Variants in MZT2B observed in about 807,000 individuals in gnomAD.
MZT2B encodes mitotic-spindle organizing protein 2B.
MZT2B carries 11 observed loss-of-function variants against 12.1 expected under a neutral mutation model. That is an observed-to-expected ratio of 0.91 (90% confidence interval 0.57 to 1.50). The LOEUF is 1.50. MZT2B is among the 40% of genes most tolerant of loss of function. MZT2B has a pLI of 0.00. For synonymous variants in MZT2B, 85 were observed against 109.5 expected (o/e 0.78, Z 1.40); for missense variants, 209 against 227.7 (o/e 0.92, Z 0.53).
intron 2 of MZT2B, among the ~76,000 whole-genome samples, chr2:130,185,173 TG>T (rs1690009852): frequency 6.6e-6 from 1 of 151,740 alleles, no homozygotes; most frequent in South Asian, 2.1e-4. Flanking sequence ...TAGCTGGGCG[TG>T]GTGGCAGGTG....
In MZT2B at chr2:130,184,845, CAG is replaced by C. The variant is rs530937489; in HGVS notation, c.319+2073_319+2074del. 1.3e-4 allele frequency: 132 copies of C among 985,362 alleles called. 1 individual carries two copies. In the South Asian group the frequency reaches 5.2e-3, roughly 39 times the overall value. 61.0% of individuals were successfully genotyped at this position (985,362 alleles called of 1,614,324 possible). A position where few individuals can be genotyped will look rare whatever the true frequency, so the allele number is the denominator to read the frequency against. On this transcript the variant is annotated intron_variant, in intron 2 of 2. Transcript: ENST00000281871. ...GGCAGGGAAGTGAGATGATCACACT[CAG>C]AGCCCAGTGAGAGGCAGTGAGGAAA...
At chr2:130,199,878 T>C in the MZT2B span, among the ~76,000 whole-genome samples, 2 of 150,952 alleles carry the variant, frequency 1.3e-5, no homozygotes, top group East Asian at 3.9e-4. Flanking sequence ...GGAGGATCAC[T>C]TGAGGTCAGG....
At chr2:130,196,029 T>C in the MZT2B span, 4 of 1,366,308 alleles carry the variant, frequency 2.9e-6, no homozygotes, top group African/African-American at 2.9e-5. Context: ...AACAATGCCA[T>C]GGGCATATGC....
chr2:130,195,395 A>G (rs1398306368), downstream of MZT2B, among the ~76,000 whole-genome samples: 1 of 152,230 alleles, frequency 6.6e-6, no homozygotes, highest in Non-Finnish European at 1.5e-5. Flanking sequence ...CTGTGTGATA[A>G]CCAAACTGCA....
Position 130,182,702 on chromosome 2 carries a change from G to A in MZT2B, c.246G>A (p.Gly82=). ...AGATGCTCAAGTCCATGTGTGCCGG[G>A]CAGAGGCTAGCGAGCGAGCCCCAGG... The part of the protein sequence containing the change: ...VFQMLKSMCA[G]QRLASEPQDP... The change falls in exon 2 of 3, where the codon GGG becomes GGA. Residue 82 remains glycine, a synonymous_variant. Coordinates refer to ENST00000281871, the MANE Select transcript of MZT2B (RefSeq NM_025029.5). 6.5e-7 allele frequency: 1 copy of A among 1,544,958 alleles called. No homozygotes were observed. Among genetic ancestry groups the A allele is most frequent in the Non-Finnish European group, 8.7e-7 (1 of 1,143,626 alleles).
At chr2:130,192,165 A>T, downstream of MZT2B, 2 of 1,565,088 alleles carry the variant, frequency 1.3e-6, no homozygotes, top group South Asian at 1.2e-5. Flanking sequence ...CGTGAAGCTT[A>T]TATCAAACCT....
chr2:130,191,127 T>G (rs1437179007), downstream of MZT2B, among the ~76,000 whole-genome samples: 5 of 151,922 alleles, frequency 3.3e-5, no homozygotes, highest in Admixed American at 6.6e-5. Flanking sequence ...TTTTGTTGTA[T>G]TTTTAGTAGA....
Position 130,184,723 on chromosome 2 carries a change from G to A in MZT2B, c.319+1948G>A, listed in dbSNP as rs553698674. On this transcript the variant is annotated intron_variant, in intron 2 of 2. Coordinates refer to ENST00000281871, the MANE Select transcript of MZT2B (RefSeq NM_025029.5). ...AAGTGTCCAGCAGGAGGGAGAAACT[G>A]GGAACAGAGTCCTTGTCACTCCAGG... 42 of 985,420 alleles carry A rather than the reference G, an allele frequency of 4.3e-5. No homozygotes were observed. The African/African-American group carries it at 5.6e-4, about 13-fold the overall frequency. 61.0% of individuals were successfully genotyped at this position (985,420 alleles called of 1,614,324 possible). A position where few individuals can be genotyped will look rare whatever the true frequency, so the allele number is the denominator to read the frequency against.
At chr2:130,187,586 C>T (rs1372542023) in intron 2 of MZT2B, among the ~76,000 whole-genome samples, 1 of 152,170 alleles carries the variant, frequency 6.6e-6, no homozygotes, top group Non-Finnish European at 1.5e-5. Context: ...TCACCCCGCC[C>T]TCACACCCCA....
intron 2 of MZT2B, chr2:130,184,968 C>T (rs1573761231): frequency 1.2e-6 from 1 of 809,790 alleles, no homozygotes; most frequent in South Asian, 5.6e-5. Context: ...AGTTCAAGAC[C>T]AGCCTGGGCA....
At chr2:130,195,219 G>T (rs143099002), downstream of MZT2B, 5 of 1,613,834 alleles carry the variant, frequency 3.1e-6, no homozygotes, top group East Asian at 2.2e-5. Context: ...GTCCCTGTGC[G>T]CACTTCATCT....
At chr2:130,199,232 G>T in the MZT2B span, among the ~76,000 whole-genome samples, 14 of 120,780 alleles carry the variant, frequency 1.2e-4, 2 homozygotes, top group Non-Finnish European at 2.2e-4. Flanking sequence ...AAGGAAGAAA[G>T]GAGGCAAAAT....
In MZT2B at chr2:130,190,468, G is replaced by A; in HGVS notation, c.320-1G>A. On this transcript the variant is annotated splice_acceptor_variant, in intron 2 of 2. Transcript: ENST00000281871. LOFTEE classifies it high-confidence loss of function. Reference sequence around the variant, plus strand: ...AATCATTGTGCTTTGTGTCTCCTCAGGGAGAAACAAAGGCAGCGCTGCCCT... The same window carrying A: ...AATCATTGTGCTTTGTGTCTCCTCAAGGAGAAACAAAGGCAGCGCTGCCCT... 5 of 1,613,408 alleles carry A rather than the reference G, an allele frequency of 3.1e-6. No individual in the cohort carries two copies. Among genetic ancestry groups the A allele is most frequent in the Non-Finnish European group, 4.2e-6 (5 of 1,179,664 alleles).
intron 2 of MZT2B, chr2:130,184,250 G>C: frequency 1.5e-6 from 2 of 1,373,048 alleles, no homozygotes; most frequent in Non-Finnish European, 1.9e-6. Flanking sequence ...CTCTCCAAGG[G>C]AAGACAGCCG....
At chr2:130,201,610 A>G in the MZT2B span, among the ~76,000 whole-genome samples, 17 of 152,308 alleles carry the variant, frequency 1.1e-4, no homozygotes, top group Non-Finnish European at 2.4e-4. Flanking sequence ...CATTCAGTCC[A>G]TAGCCCCCCT....
chr2:130,186,552 A>T (rs1425991783), intron 2 of MZT2B, among the ~76,000 whole-genome samples: 1 of 152,214 alleles, frequency 6.6e-6, no homozygotes, highest in Admixed American at 6.5e-5. Flanking sequence ...GTGCTGCCTG[A>T]TACAGGAACC....
chr2:130,197,235 A>G, the MZT2B span, among the ~76,000 whole-genome samples: 3 of 152,086 alleles, frequency 2.0e-5, no homozygotes, highest in African/African-American at 7.2e-5. Flanking sequence ...CATTCCTGTA[A>G]TCCCAGCACT....
intron 2 of MZT2B, among the ~76,000 whole-genome samples, chr2:130,189,723 A>C (rs890618674): frequency 6.6e-6 from 1 of 152,228 alleles, no homozygotes; most frequent in African/African-American, 2.4e-5. Context: ...GTCTGGCCCA[A>C]GTGTGGTTGC....
At chr2:130,189,802 G>A (rs1440692040) in intron 2 of MZT2B, among the ~76,000 whole-genome samples, 5 of 152,124 alleles carry the variant, frequency 3.3e-5, no homozygotes. Context: ...TGAACCAGTG[G>A]TCTTCATCCA....
Sources: gnomAD v4.1 joint callset for allele counts (sites outside exome capture counted in the v4.1 genomes callset) on GRCh38, gnomAD v4.1.1 for gene constraint, MANE v1.5 for transcripts, NCBI Gene and HGNC (gene_info 2026-07-23, HGNC 2026-07-21) for gene names.